The following AAR2 variants were observed in gnomAD, a reference collection of about 807,000 sequenced individuals.
AAR2 encodes AAR2 splicing factor, also known as protein AAR2 homolog.
A neutral mutation model predicts 26.9 loss-of-function variants in AAR2; 31 were observed. The ratio of observed to expected loss-of-function variants is 1.15; its 90% CI spans 0.86 to 1.55. The LOEUF (loss-of-function observed/expected upper bound fraction) is 1.55, where lower values mean the gene tolerates loss of function less well. Among genes scored for constraint, AAR2 ranks in the 40% most tolerant of loss-of-function variants. AAR2 has a pLI of 0.00. For missense variants in AAR2, 430 were observed against 491.3 expected (o/e 0.88, Z 1.18); for synonymous variants, 188 against 196.1 (o/e 0.96, Z 0.34).
At chr20:36,237,848 T>C (rs983809954) in intron 1 of AAR2, among the ~76,000 whole-genome samples, 7 of 151,230 alleles carry the variant, frequency 4.6e-5, no homozygotes, top group African/African-American at 1.7e-4. Context: ...AGTGGTGTGA[T>C]CTCAGCTCAC....
Position 36,240,205 on chromosome 20 carries a change from G to A in AAR2, c.337G>A (p.Ala113Thr). 6.2e-7 allele frequency: 1 copy of A among 1,614,180 alleles called. No homozygotes were observed. Among genetic ancestry groups the A allele is most frequent in the Non-Finnish European group, 8.5e-7 (1 of 1,180,028 alleles). ...AGAGTCTGAGGTGGAGGCCATGAGG[G>A]CCAACCTCCAGGAGCTGGACCAGTT... ...APESEVEAMR[A>T]NLQELDQFLG... Residue 113 changes from alanine (A) to threonine (T), a missense_variant, in exon 2 of 4, where the codon GCC becomes ACC. Physicochemically the swap from Ala to Thr is moderately conservative, Grantham distance 58 (BLOSUM62 0). Coordinates refer to ENST00000320849, the MANE Select transcript of AAR2 (RefSeq NM_001271874.2).
At chr20:36,240,652 G>A (rs1383664684) in intron 2 of AAR2, 27 bp downstream of exon 2, 2 of 1,598,100 alleles carry the variant, frequency 1.3e-6, no homozygotes. Flanking sequence ...CTCTTTGGGA[G>A]TGGGCCAAGG....
intron 3 of AAR2, among the ~76,000 whole-genome samples, chr20:36,252,862 C>T (rs2064790781): frequency 6.6e-6 from 1 of 152,188 alleles, no homozygotes; most frequent in Admixed American, 6.5e-5. Flanking sequence ...GCTGTCCATA[C>T]CAGGCCCCTC....
rs11333425 is a variant in AAR2, at chr20:36,242,143, CTTTTTT to C, written c.757+1535_757+1540del. Among the ~76,000 whole-genome samples, 102 of 102,058 alleles carry C rather than the reference CTTTTTT, an allele frequency of 1.0e-3. 1 individual carries two copies. The highest frequency in any genetic ancestry group is 4.4e-3 in the African/African-American group (100 of 22,794). The allele number at this position is 102,058 out of a possible 152,430, so 67.0% of individuals were successfully genotyped here. Reference sequence around the variant, plus strand: ...AGTGAGAAATTTGAATGTAGGACTTCTTTTTTTTTTTTTTTTTTTTTTGAGACAGGG... The same window carrying C: ...AGTGAGAAATTTGAATGTAGGACTTCTTTTTTTTTTTTTTTTGAGACAGGG... On this transcript the variant is annotated intron_variant, in intron 2 of 3. Transcript: ENST00000320849.
chr20:36,251,724 T>G (rs1462624561), intron 3 of AAR2, among the ~76,000 whole-genome samples: 3 of 152,224 alleles, frequency 2.0e-5, no homozygotes, highest in African/African-American at 7.2e-5. Flanking sequence ...ATCAAGTTGG[T>G]GAGTTCTTTA....
intron 3 of AAR2, among the ~76,000 whole-genome samples, chr20:36,246,494 C>G (rs2064735686): frequency 1.3e-5 from 2 of 152,182 alleles, no homozygotes; most frequent in Admixed American, 1.3e-4. Flanking sequence ...TTTGTCCTTC[C>G]TCTGTGGGGA....
intron 3 of AAR2, among the ~76,000 whole-genome samples, chr20:36,245,227 C>T (rs186553534): frequency 7.9e-5 from 12 of 152,254 alleles, no homozygotes; most frequent in African/African-American, 2.6e-4. Flanking sequence ...TTTCTTTCTC[C>T]CTGTAGCCAT....
intron 2 of AAR2, among the ~76,000 whole-genome samples, chr20:36,241,841 A>G (rs890321061): frequency 2.6e-5 from 4 of 152,100 alleles, no homozygotes; most frequent in African/African-American, 7.2e-5. Context: ...ACATTTAGGG[A>G]TAGAATTGCT....
chr20:36,239,784 C>T, intron 1 of AAR2, 37 bp from the exon 2 acceptor site: 1 of 1,467,108 alleles, frequency 6.8e-7, no homozygotes, highest in South Asian at 1.4e-5. Flanking sequence ...CATCTTTCCC[C>T]CACGTTCTGA....
rs550060095 is a variant in AAR2, at chr20:36,240,606, C to T, written c.738C>T (p.Ser246=). The change falls in exon 2 of 4, where the codon AGC becomes AGT. Residue 246 remains serine, a synonymous_variant. Coordinates refer to ENST00000320849, the MANE Select transcript of AAR2 (RefSeq NM_001271874.2). ...LETVLNKQFP[S]SPQDVLGELQ... ...CTGTGCTCAACAAGCAGTTCCCCAG[C>T]AGCCCCCAGGATGTGCTTGGTGAGA... 2.5e-6 allele frequency: 4 copies of T among 1,611,046 alleles called. No individual in the cohort carries two copies. Among genetic ancestry groups the T allele is most frequent in the Non-Finnish European group, 3.4e-6 (4 of 1,178,512 alleles).
intron 2 of AAR2, among the ~76,000 whole-genome samples, chr20:36,243,517 T>A (rs138019373): frequency 1.9e-3 from 297 of 152,340 alleles, no homozygotes; most frequent in Middle Eastern, 6.8e-3. Flanking sequence ...CTCTTCTTTT[T>A]ATGGCCCACA....
chr20:36,239,435 G>A (rs925631163), intron 1 of AAR2, among the ~76,000 whole-genome samples: 1 of 152,202 alleles, frequency 6.6e-6, no homozygotes, highest in Non-Finnish European at 1.5e-5. Flanking sequence ...AGAGTGACCT[G>A]TCCAGGCATT....
Position 36,240,234 on chromosome 20 carries a change from G to A in AAR2, c.366G>A (p.Leu122=), listed in dbSNP as rs189919055. The change falls in exon 2 of 4, where the codon CTG becomes CTA. Residue 122 remains leucine (L), a synonymous_variant. Transcript: ENST00000320849. The part of the protein sequence containing the change: ...RANLQELDQF[L]GPYPYATLKK... ...ACCTCCAGGAGCTGGACCAGTTCCT[G>A]GGGCCTTACCCATATGCCACCCTGA... is the stretch of plus-strand genomic sequence containing the variant. The A allele has an allele frequency of 1.0e-4, 161 of 1,614,228 alleles. No individual in the cohort carries two copies. Among genetic ancestry groups the A allele is most frequent in the Non-Finnish European group, 1.3e-4 (154 of 1,180,038 alleles).
At chr20:36,246,118 G>A (rs2064732604) in intron 3 of AAR2, among the ~76,000 whole-genome samples, 1 of 152,288 alleles carries the variant, frequency 6.6e-6, no homozygotes, top group South Asian at 2.1e-4. Context: ...CTTACTTGAA[G>A]TCATACAGCT....
intron 2 of AAR2, among the ~76,000 whole-genome samples, chr20:36,244,330 AC>A (rs1456102217): frequency 6.6e-6 from 1 of 152,168 alleles, no homozygotes; most frequent in Non-Finnish European, 1.5e-5. Flanking sequence ...TTTACTTTTA[AC>A]AGACTCTCAG....
rs1218121682 is a variant in AAR2, at chr20:36,244,845, G to C, written c.906G>C (p.Leu302=). The change falls in exon 3 of 4, where the codon CTG becomes CTC. Residue 302 remains leucine, a synonymous_variant. Coordinates refer to ENST00000320849, the MANE Select transcript of AAR2 (RefSeq NM_001271874.2). The stretch of plus-strand genomic sequence containing the variant: ...TCTACATCAACCTCATCTCCATCCT[G>C]TACCACCAGCTTGGTGAGATCCCCG... ...HTLYINLISI[L]YHQLGEIPAD... is the part of the protein sequence containing the mutation. The C allele has an allele frequency of 6.2e-7, 1 of 1,614,162 alleles. No individual in the cohort carries two copies. The highest frequency in any genetic ancestry group is 2.2e-5 in the East Asian group (1 of 44,878).
chr20:36,252,818 C>G (rs1167670762), intron 3 of AAR2, among the ~76,000 whole-genome samples: 5 of 152,108 alleles, frequency 3.3e-5, no homozygotes, highest in African/African-American at 9.7e-5. Context: ...TGCAGGGCCT[C>G]CAGAGCTAAA....
intron 2 of AAR2, among the ~76,000 whole-genome samples, chr20:36,242,729 A>G (rs6121184): frequency 0.1 from 15,168 of 152,098 alleles, 2,517 homozygotes; most frequent in African/African-American, 0.34. Context: ...GTATTTTCGT[A>G]TAATAAGTAA....
At position 36,240,433 on chromosome 20, in the gene AAR2, C is replaced by T. The variant is rs896478501; in HGVS notation, c.565C>T (p.Gln189Ter). 1.2e-6 allele frequency: 2 copies of T among 1,614,198 alleles called. No individual in the cohort carries two copies. Among genetic ancestry groups the T allele is most frequent in the African/African-American group, 2.7e-5 (2 of 75,054 alleles). ...CTGTGGCATTGAGTGCAAAAGCTAC[C>T]AAGAGGGCCTGGCCCGGCTACCAGA... The part of the protein sequence containing the change: ...PRCGIECKSY[Q>*]EGLARLPEMK... Residue 189 changes from glutamine to a stop codon, truncating the protein, a stop_gained, in exon 2 of 4, where the codon CAA (glutamine) becomes TAA (stop). Transcript: ENST00000320849. LOFTEE classifies it high-confidence loss of function.
Sources: allele counts gnomAD v4.1 joint callset (sites outside exome capture counted in the v4.1 genomes callset), GRCh38; gene constraint gnomAD v4.1.1; transcripts MANE v1.5; gene names NCBI Gene and HGNC (gene_info 2026-07-23, HGNC 2026-07-21).